The following PRKD1 variants were observed in gnomAD, a reference collection of about 807,000 sequenced individuals.
The protein encoded by PRKD1 is protein kinase D1.
A neutral mutation model predicts 95.9 loss-of-function variants in PRKD1; 63 were observed. The observed-to-expected ratio is 0.66, with a 90% CI of 0.54 to 0.81. The LOEUF is 0.81. PRKD1 is among the 30% of genes least tolerant of loss of function. PRKD1 has a pLI of 0.00. For synonymous variants in PRKD1, 425 were observed against 423.1 expected (o/e 1.00, Z -0.05); for missense variants, 1,048 against 1,165.3 (o/e 0.90, Z 1.47).
intron 4 of PRKD1, among the ~76,000 whole-genome samples, chr14:29,648,890 G>A (rs375743423): frequency 2.6e-5 from 4 of 152,060 alleles, no homozygotes; most frequent in African/African-American, 7.2e-5. Flanking sequence ...TCCTGACCTC[G>A]TGATCCGCCC....
chr14:29,901,786 C>T (rs947716242), intron 1 of PRKD1, among the ~76,000 whole-genome samples: 4 of 151,954 alleles, frequency 2.6e-5, no homozygotes, highest in Non-Finnish European at 5.9e-5. Context: ...TCACTCAAGC[C>T]GTATTTATTT....
At chr14:29,597,834 T>C (rs1031826255) in intron 15 of PRKD1, 76 bp from the exon 16 acceptor site, 4 of 1,377,248 alleles carry the variant, frequency 2.9e-6, no homozygotes, top group East Asian at 4.7e-5. Flanking sequence ...ATTCACCAGA[T>C]ACAACCATAA....
At chr14:29,579,807 T>C (rs1415264562) in intron 16 of PRKD1, among the ~76,000 whole-genome samples, 2 of 152,212 alleles carry the variant, frequency 1.3e-5, no homozygotes, top group African/African-American at 4.8e-5. Context: ...TGCCTATGCC[T>C]ATACACTCTT....
intron 1 of PRKD1, among the ~76,000 whole-genome samples, chr14:29,749,302 GA>G (rs1213330180): frequency 1.3e-5 from 2 of 152,060 alleles, no homozygotes; most frequent in Non-Finnish European, 2.9e-5. Context: ...AAGAAGTAGG[GA>G]AAAAAGGAGG....
At chr14:29,861,639 G>A (rs1013148536) in intron 1 of PRKD1, among the ~76,000 whole-genome samples, 1 of 151,942 alleles carries the variant, frequency 6.6e-6, no homozygotes, top group African/African-American at 2.4e-5. Context: ...ACTAGGGTTT[G>A]GTTTGGTTTT....
At chr14:29,771,246 T>C (rs1336367076) in intron 1 of PRKD1, among the ~76,000 whole-genome samples, 1 of 152,156 alleles carries the variant, frequency 6.6e-6, no homozygotes, top group Admixed American at 6.5e-5. Context: ...TTCATCAAGA[T>C]GATGGACGAA....
rs996261421 is a variant in PRKD1, at chr14:29,598,390, T to C, written c.2167-632A>G. On this transcript the variant is annotated intron_variant, in intron 15 of 17. Transcript: ENST00000331968. Reference sequence around the variant, plus strand: ...ACCGAGAGACAAATATGAAGACAAGTGTACTCAGAAGTGGGTAATATTGTA... The same window carrying C: ...ACCGAGAGACAAATATGAAGACAAGCGTACTCAGAAGTGGGTAATATTGTA... Among the ~76,000 whole-genome samples the C allele has an allele frequency of 4.6e-5, 7 of 151,744 alleles. No homozygotes were observed. In the South Asian group the frequency reaches 1.5e-3, roughly 32 times the overall value.
intron 1 of PRKD1, among the ~76,000 whole-genome samples, chr14:29,912,592 G>A (rs541473367): frequency 2.0e-5 from 3 of 152,218 alleles, no homozygotes; most frequent in East Asian, 1.9e-4. Context: ...GCAAATATGC[G>A]CTACAGTCCG....
At chr14:29,832,799 C>G (rs1891465630) in intron 1 of PRKD1, among the ~76,000 whole-genome samples, 3 of 152,086 alleles carry the variant, frequency 2.0e-5, no homozygotes. Flanking sequence ...GAAATATTTA[C>G]AATTTTTATT....
rs1310237149 is a variant in PRKD1, at chr14:29,826,826, T to TACACAC, written c.264+100422_264+100423insGTGTGT. Reference sequence around the variant, plus strand: ...ACACATATATATACACATATATATATATATATATATATACACACATATATA... The same window carrying TACACAC: ...ACACATATATATACACATATATATATACACACATATATATATATACACACATATATA... On this transcript the variant is annotated intron_variant, in intron 1 of 17. Transcript: ENST00000331968. Among the ~76,000 whole-genome samples, 48 of 21,196 alleles carry TACACAC rather than the reference T, an allele frequency of 2.3e-3. 6 individuals are homozygous for TACACAC. Among genetic ancestry groups the TACACAC allele is most frequent in the African/African-American group, 7.3e-3 (33 of 4,540 alleles). 13.9% of individuals were successfully genotyped at this position (21,196 alleles called of 152,430 possible).
intron 1 of PRKD1, among the ~76,000 whole-genome samples, chr14:29,748,576 C>A (rs1049650792): frequency 1.2e-4 from 19 of 152,178 alleles, no homozygotes; most frequent in African/African-American, 4.1e-4. Context: ...CACATAGGCC[C>A]TCAGCTCTTC....
intron 2 of PRKD1, among the ~76,000 whole-genome samples, chr14:29,674,989 T>C (rs773307389): frequency 6.6e-6 from 1 of 152,264 alleles, no homozygotes; most frequent in South Asian, 2.1e-4. Context: ...AGCTGTGAAA[T>C]AATCAGGGTA....
chr14:29,768,879 CT>C (rs1372613141), intron 1 of PRKD1, among the ~76,000 whole-genome samples: 3 of 152,114 alleles, frequency 2.0e-5, no homozygotes, highest in African/African-American at 7.2e-5. Flanking sequence ...TCTTGTATAA[CT>C]ATCCTTGGTT....
chr14:29,770,329 G>C (rs1216617383), intron 1 of PRKD1, among the ~76,000 whole-genome samples: 1 of 152,204 alleles, frequency 6.6e-6, no homozygotes, highest in Non-Finnish European at 1.5e-5. Context: ...ATGAGTAAAG[G>C]CTGGGAAAGT....
At chr14:29,857,247 A>G (rs1892540531) in intron 1 of PRKD1, among the ~76,000 whole-genome samples, 2 of 152,196 alleles carry the variant, frequency 1.3e-5, no homozygotes, top group Admixed American at 1.3e-4. Context: ...CTGACAGGCC[A>G]GAATATGGGC....
At chr14:29,691,837 G>A (rs1055155046) in intron 2 of PRKD1, among the ~76,000 whole-genome samples, 17 of 151,836 alleles carry the variant, frequency 1.1e-4, no homozygotes, top group Admixed American at 2.0e-4. Context: ...GCTATTTGTC[G>A]TCACCATATC....
chr14:29,878,816 A>C (rs1197954116), intron 1 of PRKD1, among the ~76,000 whole-genome samples: 2 of 152,150 alleles, frequency 1.3e-5, no homozygotes, highest in African/African-American at 4.8e-5. Context: ...GTGATGAAAA[A>C]GTTCTGGAAT....
intron 1 of PRKD1, among the ~76,000 whole-genome samples, chr14:29,738,570 C>A (rs190080917): frequency 6.6e-6 from 1 of 152,106 alleles, no homozygotes; most frequent in Non-Finnish European, 1.5e-5. Context: ...TACTTAAAAT[C>A]TTTTACCTTT....
chr14:29,702,358 G>A (rs570050103), intron 2 of PRKD1, among the ~76,000 whole-genome samples: 2 of 152,028 alleles, frequency 1.3e-5, no homozygotes, highest in South Asian at 4.1e-4. Context: ...AAGACCTCCT[G>A]TATAATATTT....
Sources: gnomAD v4.1 joint callset for allele counts (sites outside exome capture counted in the v4.1 genomes callset) on GRCh38, gnomAD v4.1.1 for gene constraint, MANE v1.5 for transcripts, NCBI Gene and HGNC (gene_info 2026-07-23, HGNC 2026-07-21) for gene names.